Variants in PAPOLA observed in about 807,000 individuals in gnomAD.
The protein encoded by PAPOLA is polynucleotide adenylyltransferase alpha.
Under a neutral mutation model 100.6 loss-of-function variants are expected in PAPOLA, and 15 were observed. The ratio of observed to expected loss-of-function variants is 0.15; its 90% confidence interval spans 0.10 to 0.23. PAPOLA has a LOEUF of 0.23. Ranked by LOEUF, PAPOLA falls within the 10% of genes least tolerant of loss-of-function variation. The pLI, the probability that PAPOLA is intolerant of heterozygous loss-of-function variation, is 1.00. For synonymous variants in PAPOLA, 293 were observed against 300.0 expected (o/e 0.98, Z 0.24); for missense variants, 533 against 884.2 (o/e 0.60, Z 5.04).
intron 20 of PAPOLA, among the ~76,000 whole-genome samples, chr14:96,561,905 T>G (rs896974881): frequency 7.3e-5 from 11 of 151,444 alleles, no homozygotes; most frequent in Non-Finnish European, 5.9e-5. Context: ...CTTTTTTTGG[T>G]TTTTTTTGAG....
At chr14:96,538,470 C>T (rs1899715967) in intron 12 of PAPOLA, among the ~76,000 whole-genome samples, 1 of 151,966 alleles carries the variant, frequency 6.6e-6, no homozygotes, top group Non-Finnish European at 1.5e-5. Context: ...TCAGTCCTTG[C>T]TGGATAGTAC....
chr14:96,535,828 TA>T, intron 10 of PAPOLA, 50 bp from the exon 11 acceptor site: 2 of 1,405,674 alleles, frequency 1.4e-6, no homozygotes, highest in Non-Finnish European at 1.9e-6. Context: ...AAAGCCCAAG[TA>T]TCTGTTGCAT....
intron 9 of PAPOLA, chr14:96,533,138 CAA>C (rs1899192060): frequency 5.1e-6 from 5 of 983,016 alleles, no homozygotes; most frequent in South Asian, 4.7e-5. Context: ...TGCTTCGGGA[CAA>C]AAAAGGAATT....
rs1264828778 is a variant in PAPOLA, at chr14:96,520,242, C to G, written c.182+14C>G. 1.3e-6 allele frequency: 2 copies of G among 1,578,022 alleles called. No individual in the cohort carries two copies. Among genetic ancestry groups the G allele is most frequent in the East Asian group, 4.5e-5 (2 of 44,460 alleles). ...ACTGCAGCGCAGGTAAATAGATATTCTATATTTTTTTAACTCGGAAACTTT... is the reference window on the plus strand; with the variant it reads ...ACTGCAGCGCAGGTAAATAGATATTGTATATTTTTTTAACTCGGAAACTTT... On this transcript the variant is annotated intron_variant, in intron 2 of 21. Coordinates refer to ENST00000216277, the MANE Select transcript of PAPOLA (RefSeq NM_032632.5).
At position 96,556,193 on chromosome 14, in the gene PAPOLA, T is replaced by G; in HGVS notation, c.1784T>G (p.Ile595Ser). The G allele has an allele frequency of 6.2e-7, 1 of 1,614,066 alleles. No individual in the cohort carries two copies. Among genetic ancestry groups the G allele is most frequent in the Non-Finnish European group, 8.5e-7 (1 of 1,179,950 alleles). The change falls in exon 19 of 22, where the codon ATT (isoleucine) becomes AGT (serine). Residue 595 changes from isoleucine (I) to serine (S), a missense_variant. By Grantham distance (142) the Ile-to-Ser change is moderately radical. Transcript: ENST00000216277. ...ESSGGTSSES[I>S]PQTATQPAIS... ...TGCTTAGGTACATCGAGTGAAAGCA[T>G]TCCTCAAACTGCCACACAACCAGCC...
Position 96,502,655 on chromosome 14 carries a change from T to C in PAPOLA, c.8+55T>C. Reference sequence around the variant, plus strand: ...CTCGCCGGCTGGGCCTTGGGGGGCGTCCGGGAAGGGGAAGAGGTAGGCGGA... The same window carrying C: ...CTCGCCGGCTGGGCCTTGGGGGGCGCCCGGGAAGGGGAAGAGGTAGGCGGA... On this transcript the variant is annotated intron_variant, in intron 1 of 21. Transcript: ENST00000216277. The C allele has an allele frequency of 7.8e-6, 12 of 1,546,018 alleles. No homozygotes were observed. In the South Asian group the frequency reaches 1.3e-4, roughly 17 times the overall value.
intron 19 of PAPOLA, among the ~76,000 whole-genome samples, chr14:96,558,060 GT>G (rs2140331823): frequency 6.6e-6 from 1 of 152,268 alleles, no homozygotes; most frequent in Admixed American, 6.5e-5. Context: ...CTTAGAAGAT[GT>G]GTTCTGAAAA....
chr14:96,564,256 T>C (rs1440045682), intron 21 of PAPOLA, among the ~76,000 whole-genome samples: 1 of 152,072 alleles, frequency 6.6e-6, no homozygotes, highest in East Asian at 1.9e-4. Context: ...ACAAGGTGAA[T>C]TGAAAGTGGG....
intron 6 of PAPOLA, among the ~76,000 whole-genome samples, chr14:96,531,192 C>T (rs1898985210): frequency 6.6e-6 from 1 of 151,862 alleles, no homozygotes; most frequent in Non-Finnish European, 1.5e-5. Context: ...TTAATAGAGA[C>T]GGGGTTCACC....
At chr14:96,564,898 C>A in intron 21 of PAPOLA, 57 bp from the exon 22 acceptor site, 2 of 890,148 alleles carry the variant, frequency 2.2e-6, no homozygotes, top group Non-Finnish European at 3.8e-6. Context: ...GAAAATACAT[C>A]TCATTGTTAA....
chr14:96,559,186 A>C (rs989600591), intron 19 of PAPOLA, among the ~76,000 whole-genome samples: 1 of 151,980 alleles, frequency 6.6e-6, no homozygotes, highest in African/African-American at 2.4e-5. Flanking sequence ...TGGCTTTTCC[A>C]GTTACGGATC....
chr14:96,552,907 C>T (rs1322983452), intron 17 of PAPOLA: 10 of 364,194 alleles, frequency 2.7e-5, no homozygotes, highest in Non-Finnish European at 1.5e-5. Flanking sequence ...GCTACTGCTA[C>T]AGTGCACTGT....
At chr14:96,535,605 C>A in intron 10 of PAPOLA, 2 of 1,078,678 alleles carry the variant, frequency 1.9e-6, no homozygotes, top group Non-Finnish European at 2.2e-6. Context: ...CAATAGATTC[C>A]CAAGCAGAAC....
chr14:96,529,705 G>C (rs1898819853), intron 6 of PAPOLA, among the ~76,000 whole-genome samples: 1 of 151,978 alleles, frequency 6.6e-6, no homozygotes, highest in African/African-American at 2.4e-5. Flanking sequence ...CTGGGCGACA[G>C]AGCAAGACTC....
intron 20 of PAPOLA, among the ~76,000 whole-genome samples, chr14:96,562,041 C>T (rs909536844): frequency 9.2e-5 from 14 of 151,748 alleles, no homozygotes; most frequent in African/African-American, 2.2e-4. Context: ...ATTACAGGCA[C>T]CCGCCACCAT....
chr14:96,556,482 GA>G (rs1901347134), intron 19 of PAPOLA, 69 bp downstream of exon 19: 1 of 1,090,002 alleles, frequency 9.2e-7, no homozygotes, highest in East Asian at 2.4e-5. Context: ...TCCAGTGGAA[GA>G]AAAGTTTATG....
intron 2 of PAPOLA, 113 bp from the exon 3 acceptor site, chr14:96,520,893 G>T: frequency 1.5e-6 from 1 of 677,104 alleles, no homozygotes; most frequent in Non-Finnish European, 2.7e-6. Context: ...ACAATATACT[G>T]TGCTTCTGAT....
chr14:96,519,941 G>A, intron 1 of PAPOLA, 114 bp from the exon 2 acceptor site: 4 of 871,024 alleles, frequency 4.6e-6, no homozygotes, highest in Non-Finnish European at 6.8e-6. Flanking sequence ...GGGTATTGCA[G>A]GGAACCAATC....
chr14:96,560,379 A>G (rs1386211607), intron 19 of PAPOLA: 3 of 281,442 alleles, frequency 1.1e-5, no homozygotes, highest in Admixed American at 1.0e-4. Context: ...ATATATTTCT[A>G]TGAACTCTTA....
Sources: allele counts gnomAD v4.1 joint callset (sites outside exome capture counted in the v4.1 genomes callset), GRCh38; gene constraint gnomAD v4.1.1; transcripts MANE v1.5; gene names NCBI Gene and HGNC (gene_info 2026-07-23, HGNC 2026-07-21).